TNFSF11: variants seen among roughly 807,000 people sequenced by gnomAD.
TNFSF11 encodes TNF superfamily member 11.
TNFSF11 carries 12 observed loss-of-function variants against 32.2 expected under a neutral mutation model. That is an observed-to-expected ratio of 0.37 (90% CI 0.24 to 0.60). The LOEUF (loss-of-function observed/expected upper bound fraction) is 0.60, where lower values mean the gene tolerates loss of function less well. TNFSF11 is among the 20% of genes least tolerant of loss of function. The pLI is 0.66. For synonymous variants in TNFSF11, 172 were observed against 152.1 expected (o/e 1.13, Z -0.96); for missense variants, 345 against 398.0 (o/e 0.87, Z 1.13).
chr13:42,577,490 G>T (rs1873379065), intron 1 of TNFSF11, among the ~76,000 whole-genome samples: 1 of 151,646 alleles, frequency 6.6e-6, no homozygotes, highest in Non-Finnish European at 1.5e-5. Context: ...TTCATACTTT[G>T]GTTTACAAAG....
At chr13:42,587,310 C>G (rs867189955) in intron 2 of TNFSF11, among the ~76,000 whole-genome samples, 3 of 152,196 alleles carry the variant, frequency 2.0e-5, no homozygotes, top group South Asian at 2.1e-4. Context: ...AAGGTAGTCT[C>G]TAGCTGAGCA....
At chr13:42,570,884 C>T (rs1270949294), upstream of TNFSF11, among the ~76,000 whole-genome samples, 1 of 152,124 alleles carries the variant, frequency 6.6e-6, no homozygotes, top group Non-Finnish European at 1.5e-5. Flanking sequence ...TCTCTGACTC[C>T]CCACATAGGT....
At chr13:42,574,744 C>T (rs1873223780) in intron 1 of TNFSF11, among the ~76,000 whole-genome samples, 1 of 152,182 alleles carries the variant, frequency 6.6e-6, no homozygotes, top group South Asian at 2.1e-4. Flanking sequence ...ACCCCAGCTT[C>T]TCGGTGCTCT....
chr13:42,564,349 C>A (rs935809620), intron 1 of TNFSF11, among the ~76,000 whole-genome samples: 4 of 152,086 alleles, frequency 2.6e-5, no homozygotes, highest in Admixed American at 1.3e-4. Context: ...AGGTGGACCA[C>A]CTGAGGTCAG....
intron 1 of TNFSF11, among the ~76,000 whole-genome samples, chr13:42,576,206 T>A (rs919994390): frequency 5.3e-5 from 8 of 152,262 alleles, no homozygotes; most frequent in African/African-American, 1.9e-4. Flanking sequence ...TGTCCAATGT[T>A]GAACGAGCAG....
At chr13:42,599,638 C>T (rs1869056592) in intron 2 of TNFSF11, among the ~76,000 whole-genome samples, 2 of 152,078 alleles carry the variant, frequency 1.3e-5, no homozygotes, top group South Asian at 4.1e-4. Context: ...GATCTCAGCT[C>T]ACTACAACCT....
At chr13:42,570,622 T>A (rs917185506), upstream of TNFSF11, among the ~76,000 whole-genome samples, 5 of 152,192 alleles carry the variant, frequency 3.3e-5, no homozygotes, top group African/African-American at 1.2e-4. Flanking sequence ...GTTGATATAT[T>A]GTTAAAATAA....
At chr13:42,584,144 C>T (rs1236258542) in intron 2 of TNFSF11, among the ~76,000 whole-genome samples, 1 of 152,136 alleles carries the variant, frequency 6.6e-6, no homozygotes, top group African/African-American at 2.4e-5. Flanking sequence ...AATGTAAAGA[C>T]ATAACTATGC....
In TNFSF11 at chr13:42,574,511, T is replaced by G. The variant is rs544390018; in HGVS notation, c.208T>G (p.Phe70Val). 2 of 1,608,264 alleles carry G rather than the reference T, an allele frequency of 1.2e-6. No homozygotes were observed. Among genetic ancestry groups the G allele is most frequent in the Non-Finnish European group, 1.7e-6 (2 of 1,179,798 alleles). Residue 70 changes from phenylalanine to valine, a missense_variant, in exon 1 of 5, where the codon TTC becomes GTC. Physicochemically the swap from Phe to Val is conservative, Grantham distance 50 (BLOSUM62 -1). This residue lies in a region of TNFSF11 where 197 missense variants were observed against 182.0 expected (regional missense o/e 1.08). Coordinates refer to ENST00000398795, the MANE Select transcript of TNFSF11 (RefSeq NM_003701.4). The stretch of plus-strand genomic sequence containing the variant: ...CTGCAGCGTCGCCCTGTTCTTCTAT[T>G]TCAGAGCGCAGGTGAGTGGCCACCT... ...VVCSVALFFY[F>V]RAQMDPNRIS...
chr13:42,602,114 CAG>C (rs763931411), intron 4 of TNFSF11, among the ~76,000 whole-genome samples: 1 of 152,176 alleles, frequency 6.6e-6, no homozygotes, highest in Non-Finnish European at 1.5e-5. Flanking sequence ...CGTCTAATAA[CAG>C]GGGTGCTAAA....
chr13:42,578,786 A>T (rs1211184647), intron 1 of TNFSF11, among the ~76,000 whole-genome samples: 1 of 152,160 alleles, frequency 6.6e-6, no homozygotes, highest in Non-Finnish European at 1.5e-5. Flanking sequence ...GAGAAAGGGG[A>T]CAAAATCTTT....
intron 1 of TNFSF11, among the ~76,000 whole-genome samples, chr13:42,580,707 G>A (rs1203230110): frequency 3.9e-5 from 6 of 152,172 alleles, no homozygotes; most frequent in African/African-American, 1.4e-4. Flanking sequence ...GAATTTCAAA[G>A]TGGGCCTCAT....
At chr13:42,580,737 C>T (rs1873561661) in intron 1 of TNFSF11, among the ~76,000 whole-genome samples, 1 of 152,120 alleles carries the variant, frequency 6.6e-6, no homozygotes, top group African/African-American at 2.4e-5. Flanking sequence ...TAGCATGTTG[C>T]ATATAGTTGA....
At chr13:42,570,723 A>C (rs1865907470), upstream of TNFSF11, among the ~76,000 whole-genome samples, 1 of 152,068 alleles carries the variant, frequency 6.6e-6, no homozygotes, top group South Asian at 2.1e-4. Flanking sequence ...TAATACAATC[A>C]CTCTCAGCTT....
chr13:42,598,844 G>A (rs1868967418), intron 2 of TNFSF11, among the ~76,000 whole-genome samples: 1 of 152,218 alleles, frequency 6.6e-6, no homozygotes, highest in Admixed American at 6.5e-5. Flanking sequence ...TTATCTATAA[G>A]TCTGTTGTGA....
At position 42,580,349 on chromosome 13, in the gene TNFSF11, G is replaced by A. The variant is rs116947192; in HGVS notation, c.220-777G>A. ...AGGCAATCAGCTAATTACTCAATGG[G>A]TATATTTTGGGTGGGACAATTCCTT... On this transcript the variant is annotated intron_variant, in intron 1 of 4. Coordinates refer to ENST00000398795, the MANE Select transcript of TNFSF11 (RefSeq NM_003701.4). 7.9e-3 allele frequency among the ~76,000 whole-genome samples: 1,206 copies of A among 152,296 alleles called. 4 individuals are homozygous for A. Among genetic ancestry groups the A allele is most frequent in the East Asian group, 0.022 (112 of 5,180 alleles).
At chr13:42,570,938 C>A (rs547377102), upstream of TNFSF11, among the ~76,000 whole-genome samples, 1 of 152,254 alleles carries the variant, frequency 6.6e-6, no homozygotes, top group South Asian at 2.1e-4. Context: ...TTGCACTTTG[C>A]CTTCAAAGTA....
At chr13:42,591,784 T>C (rs1868495063) in intron 2 of TNFSF11, among the ~76,000 whole-genome samples, 1 of 152,222 alleles carries the variant, frequency 6.6e-6, no homozygotes, top group South Asian at 2.1e-4. Flanking sequence ...GGCCACTCTT[T>C]CTGTGCCTTG....
intron 2 of TNFSF11, among the ~76,000 whole-genome samples, chr13:42,598,013 A>T (rs1294142981): frequency 2.0e-5 from 3 of 151,932 alleles, no homozygotes; most frequent in Non-Finnish European, 4.4e-5. Context: ...AGCTAATTTT[A>T]AAAAATTAAT....
Sources: allele counts gnomAD v4.1 joint callset (sites outside exome capture counted in the v4.1 genomes callset), GRCh38; gene constraint gnomAD v4.1.1; regional missense constraint gnomAD v4.1.1; transcripts MANE v1.5; gene names NCBI Gene and HGNC (gene_info 2026-07-23, HGNC 2026-07-21).